Variants in BOLL observed in about 807,000 individuals in gnomAD.
BOLL encodes the protein boule RNA binding protein.
BOLL carries 23 observed loss-of-function variants against 44.4 expected under a neutral mutation model. The ratio of observed to expected loss-of-function variants is 0.52; its 90% CI spans 0.37 to 0.73. The LOEUF (loss-of-function observed/expected upper bound fraction) is 0.73, where lower values mean the gene tolerates loss of function less well. Ranked by LOEUF, BOLL falls within the 30% of genes least tolerant of loss-of-function variation. The pLI, the probability that BOLL is intolerant of heterozygous loss-of-function variation, is 0.00. For synonymous variants in BOLL, 97 were observed against 110.8 expected, an observed-to-expected ratio of 0.88 and a Z score of 0.78; for missense variants, 287 against 338.3, an observed-to-expected ratio of 0.85 and a Z score of 1.19.
At chr2:197,786,127 T>C, upstream of BOLL, 1 of 1,393,478 alleles carries the variant, frequency 7.2e-7, no homozygotes, top group South Asian at 1.4e-5. The surrounding 1 kb of genome is among the most constrained non-coding windows in gnomAD (Gnocchi z 5.9). Flanking sequence ...GCGGCGAGGG[T>C]GGCTGTGGCA....
At position 197,780,298 on chromosome 2, in the gene BOLL, G is replaced by T. The variant is rs79461699; in HGVS notation, c.130-1232C>A. ...TGCTATTAAAGTAAATGATTTCCTT[G>T]CTGGCCTTTATCTGTGGTTTTGAAA... On this transcript the variant is annotated intron_variant, in intron 2 of 10. Transcript: ENST00000392296. 9.7e-3 allele frequency among the ~76,000 whole-genome samples: 1,470 copies of T among 152,096 alleles called. 23 individuals carry two copies. The highest frequency in any genetic ancestry group is 0.034 in the African/African-American group (1,409 of 41,536).
At chr2:197,735,737 C>G (rs1306071024) in intron 10 of BOLL, among the ~76,000 whole-genome samples, 1 of 152,142 alleles carries the variant, frequency 6.6e-6, no homozygotes, top group African/African-American at 2.4e-5. Flanking sequence ...GAAAAAGTAT[C>G]AGGCTGTCTA....
intron 10 of BOLL, among the ~76,000 whole-genome samples, chr2:197,737,382 T>G (rs1293457618): frequency 6.6e-6 from 1 of 152,062 alleles, no homozygotes; most frequent in Non-Finnish European, 1.5e-5. Context: ...AAAAGGAGTC[T>G]TGGTAGACAC....
rs567548987 is a variant in BOLL, at chr2:197,772,613, C to T, written c.353-631G>A. Reference sequence around the variant, plus strand: ...CAACTGCTGCTGTTGCAAACATGACCGCAAGTCTTCATGTGGCTAGTCTGG... The same window carrying T: ...CAACTGCTGCTGTTGCAAACATGACTGCAAGTCTTCATGTGGCTAGTCTGG... On this transcript the variant is annotated intron_variant, in intron 5 of 10. Transcript: ENST00000392296. 5.3e-5 allele frequency among the ~76,000 whole-genome samples: 8 copies of T among 151,964 alleles called. No homozygotes were observed. The South Asian group carries it at 8.3e-4, about 16-fold the overall frequency.
intron 10 of BOLL, among the ~76,000 whole-genome samples, chr2:197,742,261 C>T (rs1453531317): frequency 6.6e-6 from 1 of 152,098 alleles, no homozygotes; most frequent in African/African-American, 2.4e-5. Flanking sequence ...TGTGGCGATT[C>T]CTCAGGGATC....
At chr2:197,760,880 T>C (rs1032592667) in intron 7 of BOLL, among the ~76,000 whole-genome samples, 11 of 152,148 alleles carry the variant, frequency 7.2e-5, no homozygotes, top group African/African-American at 2.4e-4. Flanking sequence ...ATCCCCATTA[T>C]ACTAACAGCA....
chr2:197,730,085 T>C, intron 10 of BOLL, among the ~76,000 whole-genome samples: 1 of 125,830 alleles, frequency 7.9e-6, no homozygotes, highest in African/African-American at 3.3e-5. Context: ...GAAGAATGTA[T>C]AACTAGAATA....
intron 2 of BOLL, among the ~76,000 whole-genome samples, chr2:197,780,805 C>G (rs1689734808): frequency 6.6e-6 from 1 of 151,634 alleles, no homozygotes; most frequent in Non-Finnish European, 1.5e-5. Flanking sequence ...AAAATGATAA[C>G]TCTCCCTATA....
At chr2:197,766,478 G>T in intron 7 of BOLL, 54 bp downstream of exon 7, 1 of 1,378,192 alleles carries the variant, frequency 7.3e-7, no homozygotes, top group Non-Finnish European at 1.0e-6. Context: ...ATGAAAGTTA[G>T]CTAAGAAAGG....
At chr2:197,757,270 A>T in intron 8 of BOLL, 83 bp downstream of exon 8, 2 of 1,225,076 alleles carry the variant, frequency 1.6e-6, no homozygotes, top group Non-Finnish European at 2.3e-6. Flanking sequence ...TCTCAAATCT[A>T]AAAAACTTTA....
At chr2:197,728,760 A>T (rs1686969479) in intron 10 of BOLL, among the ~76,000 whole-genome samples, 182 bp from the exon 11 acceptor site, 1 of 152,252 alleles carries the variant, frequency 6.6e-6, no homozygotes. Flanking sequence ...AGAACTCAGG[A>T]AAACCTGCTC....
Position 197,775,732 on chromosome 2 carries a change from T to G in BOLL, c.285A>C (p.Lys95Asn), listed in dbSNP as rs1689480160. Residue 95 changes from lysine to asparagine, a missense_variant, in exon 5 of 11, where the codon AAA (lysine) becomes AAC (asparagine). Physicochemically the swap from Lys to Asn is moderately conservative, Grantham distance 94. Transcript: ENST00000392296. The stretch of plus-strand genomic sequence containing the variant: ...TCAGCTTCTTATCCTTATAATTAAG[T>G]TTTTCAGCCTAAAATAAAGAAAAAA... ...DAQKILQEAE[K>N]LNYKDKKLNI... 6.6e-7 allele frequency: 1 copy of G among 1,520,264 alleles called. No homozygotes were observed. The highest frequency in any genetic ancestry group is 2.0e-5 in the Admixed American group (1 of 50,012). 94.2% of individuals were successfully genotyped at this position (1,520,264 alleles called of 1,614,324 possible).
intron 6 of BOLL, among the ~76,000 whole-genome samples, chr2:197,769,839 C>A (rs540051299): frequency 6.6e-6 from 1 of 151,978 alleles, no homozygotes; most frequent in South Asian, 2.1e-4. Context: ...CACTGCTCAA[C>A]GAAATAAAAG....
intron 9 of BOLL, among the ~76,000 whole-genome samples, chr2:197,755,260 G>C (rs1156260561): frequency 6.6e-6 from 1 of 152,206 alleles, no homozygotes; most frequent in Non-Finnish European, 1.5e-5. Context: ...TGGTGAGGCT[G>C]TGGAGAAACA....
At chr2:197,732,361 A>G (rs951310813) in intron 10 of BOLL, among the ~76,000 whole-genome samples, 42 of 152,230 alleles carry the variant, frequency 2.8e-4, no homozygotes, top group Non-Finnish European at 4.9e-4. Context: ...ATGGATTCAC[A>G]GCTGAATTCT....
intron 9 of BOLL, among the ~76,000 whole-genome samples, chr2:197,752,707 T>C (rs986675371): frequency 1.1e-4 from 16 of 152,308 alleles, no homozygotes; most frequent in Middle Eastern, 3.4e-3. Flanking sequence ...AGAATCAATA[T>C]TGTGAAAATG....
At chr2:197,785,928 C>T, upstream of BOLL, 3 of 1,424,564 alleles carry the variant, frequency 2.1e-6, no homozygotes, top group Middle Eastern at 3.5e-4. The surrounding 1 kb of genome is among the most constrained non-coding windows in gnomAD (Gnocchi z 6.7). Context: ...ACAGGCTCCA[C>T]GCTGCTCCTT....
chr2:197,784,406 A>G, intron 1 of BOLL, among the ~76,000 whole-genome samples: 1 of 29,198 alleles, frequency 3.4e-5, no homozygotes, highest in Non-Finnish European at 7.5e-5. Flanking sequence ...ATATATATAT[A>G]TATATATATA....
chr2:197,737,559 C>T (rs73054808), intron 10 of BOLL, among the ~76,000 whole-genome samples: 27,031 of 151,994 alleles, frequency 0.18, 2,540 homozygotes, highest in East Asian at 0.27. Context: ...CAGAGCTTTT[C>T]CTGCCTCTGT....
Sources: allele counts gnomAD v4.1 joint callset (sites outside exome capture counted in the v4.1 genomes callset), GRCh38; gene constraint gnomAD v4.1.1; non-coding constraint Gnocchi (gnomAD v3.1); transcripts MANE v1.5; gene names NCBI Gene and HGNC (gene_info 2026-07-23, HGNC 2026-07-21).